HCN1: variants seen among roughly 807,000 people sequenced by gnomAD.
HCN1 encodes hyperpolarization activated cyclic nucleotide gated potassium channel 1.
In HCN1, 13 loss-of-function variants were observed where a neutral mutation model predicts 78.9. The observed-to-expected ratio is 0.16, with a 90% confidence interval of 0.11 to 0.26. The LOEUF (loss-of-function observed/expected upper bound fraction) is 0.26, where lower values mean the gene tolerates loss of function less well. Among genes scored for constraint, HCN1 ranks in the 10% least tolerant of loss-of-function variants. The probability of loss-of-function intolerance (pLI) is 1.00; values close to 1 mark genes in which losing one functional copy is unlikely to be tolerated. For synonymous variants in HCN1, 552 were observed against 455.5 expected (o/e 1.21, Z -2.70); for missense variants, 810 against 1,154.3 (o/e 0.70, Z 4.32).
chr5:45,285,471 C>T (rs1330123527), intron 6 of HCN1, among the ~76,000 whole-genome samples: 1 of 151,864 alleles, frequency 6.6e-6, no homozygotes, highest in Non-Finnish European at 1.5e-5. Context: ...TTCTGAGGTC[C>T]TATAGACTTA....
intron 5 of HCN1, among the ~76,000 whole-genome samples, chr5:45,336,568 A>T (rs1746460451): frequency 6.6e-6 from 1 of 152,086 alleles, no homozygotes; most frequent in South Asian, 2.1e-4. Context: ...TTAGGTTTGG[A>T]CAGGGGAACT....
intron 3 of HCN1, among the ~76,000 whole-genome samples, chr5:45,431,144 T>C (rs923593887): frequency 6.6e-6 from 1 of 152,208 alleles, no homozygotes; most frequent in Non-Finnish European, 1.5e-5. Flanking sequence ...CTGAATCGTG[T>C]GAAATGGCAT....
chr5:45,560,905 T>A (rs1743586215), intron 2 of HCN1, among the ~76,000 whole-genome samples: 1 of 152,130 alleles, frequency 6.6e-6, no homozygotes, highest in Admixed American at 6.6e-5. Flanking sequence ...GCGTGGAAGT[T>A]TTTTAACTGA....
At chr5:45,385,684 A>G (rs1747895176) in intron 4 of HCN1, among the ~76,000 whole-genome samples, 1 of 152,214 alleles carries the variant, frequency 6.6e-6, no homozygotes, top group South Asian at 2.1e-4. Context: ...GTCTTTAAAT[A>G]CTTTAAAAAC....
At chr5:45,538,700 AC>A (rs1256873157) in intron 2 of HCN1, among the ~76,000 whole-genome samples, 1 of 152,230 alleles carries the variant, frequency 6.6e-6, no homozygotes, top group African/African-American at 2.4e-5. Flanking sequence ...GTCAGATGAT[AC>A]ATCCAAATTA....
intron 2 of HCN1, among the ~76,000 whole-genome samples, chr5:45,518,690 C>A (rs1742558679): frequency 1.3e-5 from 2 of 151,936 alleles, no homozygotes; most frequent in South Asian, 4.1e-4. Context: ...ATGAAAAATT[C>A]ATCCTGGGGG....
At chr5:45,406,874 C>A (rs1351056550) in intron 3 of HCN1, among the ~76,000 whole-genome samples, 1 of 152,094 alleles carries the variant, frequency 6.6e-6, no homozygotes, top group Non-Finnish European at 1.5e-5. Flanking sequence ...GATAGTTTGA[C>A]CTTAAAATTG....
At chr5:45,474,858 G>A (rs1391222655) in intron 2 of HCN1, among the ~76,000 whole-genome samples, 1 of 151,788 alleles carries the variant, frequency 6.6e-6, no homozygotes, top group East Asian at 1.9e-4. Flanking sequence ...TATTTAGAAC[G>A]AGAATAAAAG....
intron 5 of HCN1, among the ~76,000 whole-genome samples, chr5:45,322,404 G>A (rs1746142685): frequency 6.6e-6 from 1 of 151,702 alleles, no homozygotes; most frequent in Non-Finnish European, 1.5e-5. Flanking sequence ...AATGCTTTGT[G>A]CTTTCTCATG....
intron 2 of HCN1, among the ~76,000 whole-genome samples, chr5:45,598,889 G>A (rs1744562760): frequency 6.6e-6 from 1 of 152,140 alleles, no homozygotes; most frequent in Non-Finnish European, 1.5e-5. Flanking sequence ...AGTTAGAATG[G>A]CGATCATTAA....
chr5:45,663,372 A>G (rs1261529117), intron 1 of HCN1, among the ~76,000 whole-genome samples: 5 of 140,164 alleles, frequency 3.6e-5, no homozygotes, highest in Admixed American at 2.2e-4. Flanking sequence ...AAACCTAGAC[A>G]TTACCATTCA....
intron 3 of HCN1, among the ~76,000 whole-genome samples, chr5:45,460,506 A>G (rs1200640913): frequency 6.6e-6 from 1 of 152,166 alleles, no homozygotes; most frequent in African/African-American, 2.4e-5. Flanking sequence ...GACAGAAGAG[A>G]ACAGACATTA....
intron 5 of HCN1, among the ~76,000 whole-genome samples, chr5:45,342,251 T>G (rs1297318547): frequency 6.6e-6 from 1 of 151,696 alleles, no homozygotes; most frequent in Non-Finnish European, 1.5e-5. Flanking sequence ...TTTTTTTTTT[T>G]GAGATGGAGT....
intron 5 of HCN1, among the ~76,000 whole-genome samples, chr5:45,348,253 A>C (rs1305325929): frequency 6.6e-6 from 1 of 152,180 alleles, no homozygotes; most frequent in Non-Finnish European, 1.5e-5. Context: ...AGAATTTCAT[A>C]TCCAGCCAAG....
chr5:45,450,644 A>G (rs1740898137), intron 3 of HCN1, among the ~76,000 whole-genome samples: 1 of 152,222 alleles, frequency 6.6e-6, no homozygotes. Context: ...TGCAGGTACT[A>G]AATATTAGAT....
chr5:45,616,021 T>A (rs1292404110), intron 2 of HCN1, among the ~76,000 whole-genome samples: 2 of 151,038 alleles, frequency 1.3e-5, no homozygotes, highest in African/African-American at 2.4e-5. Context: ...CCAGGAAGTA[T>A]GCAAATGAAA....
At chr5:45,319,944 A>C (rs1442204053) in intron 5 of HCN1, among the ~76,000 whole-genome samples, 1 of 151,744 alleles carries the variant, frequency 6.6e-6, no homozygotes, top group African/African-American at 2.4e-5. Flanking sequence ...ATTTCGTGAA[A>C]CCTCTAATTC....
At chr5:45,527,839 TAA>T (rs774577960) in intron 2 of HCN1, among the ~76,000 whole-genome samples, 17 of 151,924 alleles carry the variant, frequency 1.1e-4, no homozygotes, top group Non-Finnish European at 2.1e-4. Context: ...ACAGAGTCAA[TAA>T]ATGTTTAGTG....
At chr5:45,533,430 C>T (rs62369089) in intron 2 of HCN1, among the ~76,000 whole-genome samples, 5 of 152,108 alleles carry the variant, frequency 3.3e-5, no homozygotes, top group South Asian at 2.1e-4. Context: ...TTTGTGTCAC[C>T]GCCACTTTGA....
Sources: gnomAD v4.1 joint callset for allele counts (sites outside exome capture counted in the v4.1 genomes callset) on GRCh38, gnomAD v4.1.1 for gene constraint, MANE v1.5 for transcripts, NCBI Gene and HGNC (gene_info 2026-07-23, HGNC 2026-07-21) for gene names.